MYO10: variants seen among roughly 807,000 people sequenced by gnomAD.
MYO10 encodes the protein unconventional myosin-X.
A neutral mutation model predicts 257.3 loss-of-function variants in MYO10; 133 were observed. That is an observed-to-expected ratio of 0.52 (90% CI 0.45 to 0.60). The LOEUF (loss-of-function observed/expected upper bound fraction) is 0.60. MYO10 is among the 20% of genes least tolerant of loss of function. The pLI, the probability that MYO10 is intolerant of heterozygous loss-of-function variation, is 0.00. For missense variants in MYO10, 2,399 were observed against 2,635.7 expected, an observed-to-expected ratio of 0.91 and a Z score of 1.97; for synonymous variants, 1,104 against 1,028.6, an observed-to-expected ratio of 1.07 and a Z score of -1.40.
At chr5:16,803,862 A>G (rs1742192281) in intron 3 of MYO10, among the ~76,000 whole-genome samples, 1 of 152,212 alleles carries the variant, frequency 6.6e-6, no homozygotes, top group African/African-American at 2.4e-5. Flanking sequence ...GGCCTCCCTT[A>G]GACTACCTAC....
intron 2 of MYO10, among the ~76,000 whole-genome samples, chr5:16,818,896 A>C (rs528131799): frequency 6.6e-6 from 1 of 152,364 alleles, no homozygotes; most frequent in East Asian, 1.9e-4. Flanking sequence ...GATATAAATC[A>C]GTAACAATTA....
In MYO10 at chr5:16,698,623, G is replaced by GTTTTTTTTTTTT. The variant is rs5866202; in HGVS notation, c.3556+815_3556+826dup. 7.0e-5 allele frequency among the ~76,000 whole-genome samples: 8 copies of GTTTTTTTTTTTT among 113,818 alleles called. 1 individual carries two copies. The highest frequency in any genetic ancestry group is 2.5e-4 in the East Asian group (1 of 4,072). 74.7% of individuals were successfully genotyped at this position (113,818 alleles called of 152,430 possible). A position where few individuals can be genotyped will look rare whatever the true frequency, so the allele number is the denominator to read the frequency against. On this transcript the variant is annotated intron_variant, in intron 26 of 40. Coordinates refer to ENST00000513610, the MANE Select transcript of MYO10 (RefSeq NM_012334.3). ...TATCCCTGGCAGGAGAGAACATGCA[G>GTTTTTTTTTTTT]TTTTTTTTTTTTTTTTTTGAGACAG... is the stretch of plus-strand genomic sequence containing the variant.
chr5:16,724,861 C>T (rs927373970), intron 19 of MYO10, among the ~76,000 whole-genome samples: 7 of 152,146 alleles, frequency 4.6e-5, no homozygotes, highest in Admixed American at 6.5e-5. Context: ...GAAGACCATT[C>T]GTACTAGTTT....
intron 10 of MYO10, 56 bp from the exon 11 acceptor site, chr5:16,766,254 G>A: frequency 7.5e-7 from 1 of 1,330,186 alleles, no homozygotes; most frequent in Non-Finnish European, 1.1e-6. Flanking sequence ...AGCTAACCAG[G>A]CTTAGCGATA....
rs1252098862 is a variant in MYO10 at position 16,666,584 on chromosome 5, G to C, written c.*108C>G. The C allele has an allele frequency of 1.1e-6, 1 of 886,420 alleles. No individual in the cohort carries two copies. The highest frequency in any genetic ancestry group is 1.7e-5 in the African/African-American group (1 of 59,266). 54.9% of individuals were successfully genotyped at this position (886,420 alleles called of 1,614,324 possible). ...CCCTCAGACCAGAAGCTTCCAGAAA[G>C]CCTGGGCAGCTCTGTGTTTGTTTTG... On this transcript the variant is annotated 3_prime_UTR_variant, in exon 41 of 41. Coordinates refer to ENST00000513610, the MANE Select transcript of MYO10 (RefSeq NM_012334.3).
At chr5:16,836,866 C>T (rs777242127) in intron 2 of MYO10, among the ~76,000 whole-genome samples, 9 of 152,202 alleles carry the variant, frequency 5.9e-5, no homozygotes, top group South Asian at 2.1e-4. Flanking sequence ...AAAATAAAAA[C>T]GTATGTCCAC....
intron 2 of MYO10, among the ~76,000 whole-genome samples, chr5:16,860,753 T>A (rs535338526): frequency 6.6e-6 from 1 of 151,638 alleles, no homozygotes; most frequent in South Asian, 2.1e-4. Context: ...TGATGAACGA[T>A]GGGTGGGTGG....
intron 19 of MYO10, among the ~76,000 whole-genome samples, chr5:16,725,266 T>C (rs1055077056): frequency 1.3e-5 from 2 of 151,990 alleles, no homozygotes; most frequent in African/African-American, 2.4e-5. Context: ...TTGCTAATTT[T>C]TGTATTTCTA....
intron 1 of MYO10, among the ~76,000 whole-genome samples, chr5:16,899,939 A>T (rs569023294): frequency 3.5e-5 from 5 of 141,160 alleles, no homozygotes; most frequent in Non-Finnish European, 7.5e-5. Context: ...CAGAGGTTGC[A>T]GTGAGCAGAG....
intron 39 of MYO10, 91 bp from the exon 40 acceptor site, chr5:16,668,559 C>T (rs1269694072): frequency 9.4e-7 from 1 of 1,064,098 alleles, no homozygotes; most frequent in Non-Finnish European, 1.3e-6. Flanking sequence ...GAGTGAAGTC[C>T]TCTGTGCAGA....
intron 32 of MYO10, among the ~76,000 whole-genome samples, chr5:16,680,489 T>A (rs1489536349): frequency 1.3e-5 from 2 of 152,144 alleles, no homozygotes; most frequent in Non-Finnish European, 2.9e-5. Context: ...TCCTTTCCTT[T>A]CTTTAGCCTC....
intron 2 of MYO10, among the ~76,000 whole-genome samples, chr5:16,866,787 T>A (rs1171168355): frequency 1.3e-5 from 2 of 152,208 alleles, no homozygotes; most frequent in Non-Finnish European, 2.9e-5. Context: ...TTGAGAGTCA[T>A]TAGATCCTAA....
At chr5:16,794,025 C>T (rs1412565133) in intron 4 of MYO10, among the ~76,000 whole-genome samples, 1 of 151,768 alleles carries the variant, frequency 6.6e-6, no homozygotes, top group African/African-American at 2.4e-5. Flanking sequence ...TTTGTAAAAG[C>T]GAGTACGACT....
chr5:16,748,870 A>G (rs1652806475), intron 19 of MYO10, among the ~76,000 whole-genome samples: 1 of 152,038 alleles, frequency 6.6e-6, no homozygotes, highest in African/African-American at 2.4e-5. Context: ...CGTGGAAGAG[A>G]GGAATACAGG....
chr5:16,738,128 G>T (rs1739880013), intron 19 of MYO10: 1 of 984,936 alleles, frequency 1.0e-6, no homozygotes, highest in Non-Finnish European at 1.2e-6. Context: ...CAGGGGAGAG[G>T]TACTCACCTA....
intron 21 of MYO10, among the ~76,000 whole-genome samples, chr5:16,706,166 G>C (rs191226223): frequency 6.6e-6 from 1 of 152,186 alleles, no homozygotes; most frequent in East Asian, 1.9e-4. Context: ...CTGGGCAACA[G>C]AGTGAGATTC....
chr5:16,692,724 C>G (rs1737564129), intron 27 of MYO10, among the ~76,000 whole-genome samples: 1 of 152,134 alleles, frequency 6.6e-6, no homozygotes, highest in South Asian at 2.1e-4. Context: ...TTATATTCTT[C>G]CACCCACTCT....
rs186641141 is a variant in MYO10 at position 16,906,128 on chromosome 5, T to A, written c.22-28421A>T. 3.5e-3 allele frequency among the ~76,000 whole-genome samples: 537 copies of A among 152,318 alleles called. 3 individuals carry two copies. The highest frequency in any genetic ancestry group is 0.012 in the African/African-American group (504 of 41,568). On this transcript the variant is annotated intron_variant, in intron 1 of 40. Coordinates refer to ENST00000513610, the MANE Select transcript of MYO10 (RefSeq NM_012334.3). ...ACAGGCCTTGAAGGCAACTCCTGCC[T>A]GGCAGGACGGCTGCTATCCCAGTCC...
At chr5:16,816,405 C>A (rs1365401152) in intron 3 of MYO10, among the ~76,000 whole-genome samples, 1 of 150,826 alleles carries the variant, frequency 6.6e-6, no homozygotes, top group East Asian at 1.9e-4. Context: ...CAGTTTAAAC[C>A]CATAAATATA....
Sources: gnomAD v4.1 joint callset for allele counts (sites outside exome capture counted in the v4.1 genomes callset) on GRCh38, gnomAD v4.1.1 for gene constraint, MANE v1.5 for transcripts, NCBI Gene and HGNC (gene_info 2026-07-23, HGNC 2026-07-21) for gene names.